The following NYAP2 variants were observed in gnomAD, a reference collection of about 807,000 sequenced individuals.
NYAP2 encodes the protein neuronal tyrosine-phosphorylated phosphoinositide-3-kinase adapter 2.
NYAP2 carries 23 observed loss-of-function variants against 50.4 expected under a neutral mutation model. That is an observed-to-expected ratio of 0.46 (90% CI 0.33 to 0.65). NYAP2 has a LOEUF of 0.65. Ranked by LOEUF, NYAP2 falls within the 30% of genes least tolerant of loss-of-function variation. The pLI is 0.02. For synonymous variants in NYAP2, 394 were observed against 365.2 expected (o/e 1.08, Z -0.90); for missense variants, 885 against 861.0 (o/e 1.03, Z -0.35).
chr2:225,661,092 T>C, the NYAP2 span, among the ~76,000 whole-genome samples: 1 of 152,114 alleles, frequency 6.6e-6, no homozygotes, highest in Non-Finnish European at 1.5e-5. Context: ...AATGGAAAAA[T>C]TCCTTCTTGA....
intron 4 of NYAP2, among the ~76,000 whole-genome samples, chr2:225,534,812 G>A (rs1472637652): frequency 6.6e-6 from 1 of 152,166 alleles, no homozygotes; most frequent in Non-Finnish European, 1.5e-5. Context: ...AAGAATAGAA[G>A]ATACAAGGAG....
At chr2:225,563,276 A>G (rs1691905438) in intron 4 of NYAP2, among the ~76,000 whole-genome samples, 1 of 152,146 alleles carries the variant, frequency 6.6e-6, no homozygotes, top group Admixed American at 6.6e-5. Flanking sequence ...TTTTCCAGAG[A>G]AGAGGTCCTT....
At chr2:225,574,600 ACTAT>A (rs972858145) in intron 4 of NYAP2, among the ~76,000 whole-genome samples, 8 of 152,010 alleles carry the variant, frequency 5.3e-5, no homozygotes, top group African/African-American at 1.7e-4. Context: ...TAAATTTTAA[ACTAT>A]CTCTCTCCTG....
chr2:225,558,559 C>G (rs935352978), intron 4 of NYAP2, among the ~76,000 whole-genome samples: 2 of 152,160 alleles, frequency 1.3e-5, no homozygotes, highest in Non-Finnish European at 2.9e-5. Flanking sequence ...AGCCAGGGAA[C>G]AGGTTCCCTG....
intron 3 of NYAP2, among the ~76,000 whole-genome samples, chr2:225,434,732 G>A (rs1188377021): frequency 6.6e-6 from 1 of 152,100 alleles, no homozygotes; most frequent in African/African-American, 2.4e-5. Context: ...GATGATACAT[G>A]TTTCTATATT....
intron 4 of NYAP2, among the ~76,000 whole-genome samples, chr2:225,568,677 G>A (rs1476943150): frequency 6.6e-6 from 1 of 152,190 alleles, no homozygotes; most frequent in Non-Finnish European, 1.5e-5. Context: ...TTATAGTCAA[G>A]TGGGGAAAAG....
chr2:225,549,617 A>G (rs1691638292), intron 4 of NYAP2, among the ~76,000 whole-genome samples: 1 of 152,200 alleles, frequency 6.6e-6, no homozygotes, highest in African/African-American at 2.4e-5. Context: ...GATTGTCATT[A>G]GAATAAAGAT....
chr2:225,554,642 A>G (rs1164325023), intron 4 of NYAP2, among the ~76,000 whole-genome samples: 1 of 152,068 alleles, frequency 6.6e-6, no homozygotes, highest in Non-Finnish European at 1.5e-5. Flanking sequence ...TTATATAGAG[A>G]ATAAAACAGT....
In NYAP2 at chr2:225,512,713, T is replaced by C. The variant is rs1051407425; in HGVS notation, c.222-658T>C. On this transcript the variant is annotated intron_variant, in intron 3 of 6. Transcript: ENST00000636099. ...TTGTCTTGCTTTGCTTTTTCTTTTT[T>C]CTTTTCTTTCTTTCTCTTCCTTCCT... Among the ~76,000 whole-genome samples the C allele has an allele frequency of 2.0e-5, 3 of 148,522 alleles. No individual in the cohort carries two copies. In the East Asian group the frequency reaches 5.8e-4, roughly 29 times the overall value.
chr2:225,580,579 G>A (rs1692254712), intron 4 of NYAP2, among the ~76,000 whole-genome samples: 3 of 152,200 alleles, frequency 2.0e-5, no homozygotes, highest in African/African-American at 7.2e-5. Context: ...TAGGCACATT[G>A]GAACAAAATA....
intron 3 of NYAP2, among the ~76,000 whole-genome samples, chr2:225,453,636 A>G (rs1035691308): frequency 2.0e-5 from 3 of 151,776 alleles, no homozygotes; most frequent in African/African-American, 4.8e-5. Context: ...TCAGAAAACT[A>G]TCAAGTTTTT....
chr2:225,434,075 A>G (rs1048354428), intron 3 of NYAP2, among the ~76,000 whole-genome samples: 4 of 152,192 alleles, frequency 2.6e-5, no homozygotes, highest in Non-Finnish European at 4.4e-5. Flanking sequence ...TTGTGTGAAT[A>G]TTGAAGAGAA....
Position 225,582,892 on chromosome 2 carries a change from T to A in NYAP2, c.1475T>A (p.Val492Glu), listed in dbSNP as rs774413383. ...GGGGCCAAGATGGTCAACGCCGCGG[T>A]GAACACCTACGGGGCAGCCCCGGGT... The change falls in exon 5 of 7, where the codon GTG (valine) becomes GAG (glutamate). Residue 492 changes from valine (V) to glutamate (E), a missense_variant. Coordinates refer to ENST00000636099, the Ensembl canonical transcript of NYAP2. The surrounding 1 kb of genome is among the most constrained non-coding windows in gnomAD (Gnocchi z 7.0). The A allele has an allele frequency of 1.2e-6, 2 of 1,613,462 alleles. No individual in the cohort carries two copies. The highest frequency in any genetic ancestry group is 2.2e-5 in the South Asian group (2 of 91,074).
downstream of NYAP2, among the ~76,000 whole-genome samples, chr2:225,655,243 A>C (rs923618079): frequency 6.6e-6 from 1 of 152,232 alleles, no homozygotes; most frequent in African/African-American, 2.4e-5. Context: ...GTTCTAAAGC[A>C]TTTAGAGTTT....
intron 3 of NYAP2, among the ~76,000 whole-genome samples, chr2:225,426,282 C>T (rs570543592): frequency 6.6e-6 from 1 of 152,234 alleles, no homozygotes; most frequent in Admixed American, 6.5e-5. Context: ...ACAAATTACT[C>T]AGACTCACTG....
At chr2:225,550,218 T>C (rs1053571482) in intron 4 of NYAP2, among the ~76,000 whole-genome samples, 1 of 152,146 alleles carries the variant, frequency 6.6e-6, no homozygotes, top group Admixed American at 6.5e-5. Context: ...TAAAATCTTA[T>C]ACACATGGAT....
chr2:225,499,573 C>T (rs1457733842), intron 3 of NYAP2, among the ~76,000 whole-genome samples: 1 of 152,088 alleles, frequency 6.6e-6, no homozygotes, highest in Non-Finnish European at 1.5e-5. Context: ...ATCTTGGCCT[C>T]CCAAAGTGCT....
At chr2:225,590,704 G>C (rs1021174993) in intron 5 of NYAP2, among the ~76,000 whole-genome samples, 3 of 152,166 alleles carry the variant, frequency 2.0e-5, no homozygotes, top group African/African-American at 7.2e-5. Context: ...AACTCAAAAT[G>C]AGTGACTGTT....
At chr2:225,562,578 C>G (rs1237808149) in intron 4 of NYAP2, among the ~76,000 whole-genome samples, 1 of 152,072 alleles carries the variant, frequency 6.6e-6, no homozygotes, top group Non-Finnish European at 1.5e-5. Flanking sequence ...AATTTGTCTT[C>G]CCTGCCTGGG....
Sources: allele counts gnomAD v4.1 joint callset (sites outside exome capture counted in the v4.1 genomes callset), GRCh38; gene constraint gnomAD v4.1.1; non-coding constraint Gnocchi (gnomAD v3.1); transcripts MANE v1.5; gene names NCBI Gene and HGNC (gene_info 2026-07-23, HGNC 2026-07-21).